CDH18: variants seen among roughly 807,000 people sequenced by gnomAD.
The protein encoded by CDH18 is cadherin-18.
Under a neutral mutation model 67.9 loss-of-function variants are expected in CDH18, and 31 were observed. The observed-to-expected ratio is 0.46, with a 90% CI of 0.34 to 0.62. The LOEUF is 0.62. CDH18 is among the 20% of genes least tolerant of loss of function. The pLI is 0.01. For synonymous variants in CDH18, 362 were observed against 347.2 expected (o/e 1.04, Z -0.48); for missense variants, 890 against 975.5 (o/e 0.91, Z 1.17).
At chr5:20,183,031 G>T (rs1737818714) in intron 2 of CDH18, among the ~76,000 whole-genome samples, 1 of 151,826 alleles carries the variant, frequency 6.6e-6, no homozygotes, top group South Asian at 2.1e-4. Flanking sequence ...TCTCCCTCTG[G>T]GTCCTCAGTT....
chr5:19,587,387 T>C (rs1744338980), intron 7 of CDH18, among the ~76,000 whole-genome samples: 3 of 152,154 alleles, frequency 2.0e-5, no homozygotes, highest in South Asian at 2.1e-4. Context: ...TGAAAGGTAA[T>C]ACGTAGGTTT....
intron 2 of CDH18, among the ~76,000 whole-genome samples, chr5:19,972,066 G>A (rs1798080251): frequency 6.6e-6 from 1 of 151,990 alleles, no homozygotes; most frequent in African/African-American, 2.4e-5. Flanking sequence ...AAACAAAGAT[G>A]ATACAAAGAA....
chr5:19,530,165 T>C (rs547496452), intron 9 of CDH18, among the ~76,000 whole-genome samples: 210 of 152,190 alleles, frequency 1.4e-3, no homozygotes, highest in African/African-American at 4.9e-3. Context: ...AAACTAGCCA[T>C]AACAATTAAT....
At chr5:19,843,957 A>T (rs76918211) in intron 2 of CDH18, among the ~76,000 whole-genome samples, 2,547 of 152,316 alleles carry the variant, frequency 0.017, 69 homozygotes, top group African/African-American at 0.057. Flanking sequence ...ATTCTTATTC[A>T]AAACTATTCC....
chr5:19,958,583 A>G (rs1185823579), intron 2 of CDH18, among the ~76,000 whole-genome samples: 1 of 152,000 alleles, frequency 6.6e-6, no homozygotes, highest in Non-Finnish European at 1.5e-5. Flanking sequence ...GTATTGGCTG[A>G]ATGAATAAAT....
rs538970553 is a variant in CDH18 at position 19,737,146 on chromosome 5, G to GT, written c.523+9795dup. 6.6e-3 allele frequency among the ~76,000 whole-genome samples: 1,008 copies of GT among 151,902 alleles called. 14 individuals are homozygous for GT. Among genetic ancestry groups the GT allele is most frequent in the African/African-American group, 0.022 (913 of 41,410 alleles). On this transcript the variant is annotated intron_variant, in intron 4 of 12. Transcript: ENST00000382275. ...TGCCCTCACCTTCTACCTTCACAGT[G>GT]TTTTTTTTCTATATCCAATTGCTGT... is the stretch of plus-strand genomic sequence containing the variant.
chr5:19,488,640 T>C (rs1013431031), intron 11 of CDH18, among the ~76,000 whole-genome samples: 27 of 152,190 alleles, frequency 1.8e-4, no homozygotes, highest in Admixed American at 1.3e-3. Context: ...AATGGTGTTT[T>C]GCATTCCCTC....
intron 2 of CDH18, among the ~76,000 whole-genome samples, chr5:20,232,642 TAA>T (rs1208828501): frequency 3.3e-5 from 5 of 152,252 alleles, no homozygotes; most frequent in African/African-American, 9.6e-5. Context: ...CTTATTTATA[TAA>T]GTTATATTGA....
intron 1 of CDH18, among the ~76,000 whole-genome samples, chr5:20,542,964 G>T (rs1240488991): frequency 1.3e-5 from 2 of 151,756 alleles, no homozygotes; most frequent in Non-Finnish European, 2.9e-5. Flanking sequence ...AACTCTTTTG[G>T]TAAATAGTTA....
intron 6 of CDH18, among the ~76,000 whole-genome samples, chr5:19,611,251 A>T (rs1748907680): frequency 6.6e-6 from 1 of 152,172 alleles, no homozygotes; most frequent in African/African-American, 2.4e-5. Context: ...AGAAATTAGT[A>T]TAACATGAAC....
At chr5:20,120,086 A>T (rs940679221) in intron 2 of CDH18, among the ~76,000 whole-genome samples, 3 of 152,126 alleles carry the variant, frequency 2.0e-5, no homozygotes, top group African/African-American at 7.2e-5. Flanking sequence ...AAGACTTCCT[A>T]CTTTGAATGG....
intron 2 of CDH18, among the ~76,000 whole-genome samples, chr5:19,920,838 T>C (rs1792354738): frequency 6.6e-6 from 1 of 151,140 alleles, no homozygotes. Context: ...TTCTCATCTC[T>C]GAAATTTAGG....
rs1748303584 is a variant in CDH18, at chr5:20,120,948, A to G, written c.-517-128934T>C. 2.6e-5 allele frequency among the ~76,000 whole-genome samples: 4 copies of G among 152,160 alleles called. No homozygotes were observed. In the South Asian group the frequency reaches 8.3e-4, roughly 31 times the overall value. On this transcript the variant is annotated intron_variant, in intron 2 of 14. Transcript: ENST00000507958. ...GATTTTCATATATAATGAGACAGATACTGTAAATTATTGCTGGGTGTCACT... is the reference window on the plus strand; with the variant it reads ...GATTTTCATATATAATGAGACAGATGCTGTAAATTATTGCTGGGTGTCACT...
chr5:19,969,209 G>A (rs1227669081), intron 2 of CDH18, among the ~76,000 whole-genome samples: 3 of 147,908 alleles, frequency 2.0e-5, no homozygotes, highest in African/African-American at 8.0e-5. Context: ...TGCTGGAGAG[G>A]ATGTGGAGAA....
chr5:19,897,658 A>C lies in CDH18; in HGVS notation c.-256-58416T>G, dbSNP rs1164713033. Among the ~76,000 whole-genome samples the C allele has an allele frequency of 2.0e-5, 3 of 152,068 alleles. No individual in the cohort carries two copies. In the East Asian group the frequency reaches 5.8e-4, roughly 29 times the overall value. On this transcript the variant is annotated intron_variant, in intron 2 of 12. Transcript: ENST00000382275. The stretch of plus-strand genomic sequence containing the variant: ...CAATTTTTACAATAATCCTAAACTG[A>C]AAAAAAGCCAAATGTTCATCATTTG...
intron 5 of CDH18, among the ~76,000 whole-genome samples, chr5:19,706,309 G>T (rs185915706): frequency 1.3e-5 from 2 of 152,222 alleles, no homozygotes; most frequent in South Asian, 2.1e-4. Flanking sequence ...ATGGCTGATC[G>T]CCTAGTTGCT....
chr5:20,223,559 G>A (rs10472393), intron 2 of CDH18, among the ~76,000 whole-genome samples: 77,288 of 151,690 alleles, frequency 0.51, 20,091 homozygotes, highest in Middle Eastern at 0.65. Flanking sequence ...TTTGGGAGGC[G>A]CCAGGGGGCA....
intron 2 of CDH18, among the ~76,000 whole-genome samples, chr5:19,890,612 T>TTTG (rs1554058170): frequency 1.3e-5 from 2 of 148,952 alleles, no homozygotes; most frequent in East Asian, 2.0e-4. Context: ...TTTTTTTTTT[T>TTTG]GAGACAAAGT....
intron 5 of CDH18, among the ~76,000 whole-genome samples, chr5:19,697,891 G>T (rs952568920): frequency 3.3e-5 from 5 of 152,148 alleles, no homozygotes; most frequent in African/African-American, 1.2e-4. Flanking sequence ...CTCTTCAGAT[G>T]AACATGGGCT....
Sources: allele counts gnomAD v4.1 joint callset (sites outside exome capture counted in the v4.1 genomes callset), GRCh38; gene constraint gnomAD v4.1.1; transcripts MANE v1.5; gene names NCBI Gene and HGNC (gene_info 2026-07-23, HGNC 2026-07-21).